The following SRRM3 variants were observed in gnomAD, a reference collection of about 807,000 sequenced individuals.
SRRM3 encodes serine/arginine repetitive matrix 3, also known as serine/arginine repetitive matrix protein 3.
SRRM3 carries 27 observed loss-of-function variants against 66.2 expected under a neutral mutation model. The ratio of observed to expected loss-of-function variants is 0.41; its 90% CI spans 0.30 to 0.56. The LOEUF (loss-of-function observed/expected upper bound fraction) is 0.56. SRRM3 is among the 20% of genes least tolerant of loss of function. The pLI is 0.32. For synonymous variants in SRRM3, 391 were observed against 414.9 expected (o/e 0.94, Z 0.70); for missense variants, 918 against 991.9 (o/e 0.93, Z 1.00).
At position 76,235,021 on chromosome 7, in the gene SRRM3, C is replaced by T; in HGVS notation, c.-39-7C>T. On this transcript the variant is annotated splice_polypyrimidine_tract_variant and splice_region_variant and intron_variant, in intron 1 of 14. Transcript: ENST00000611745. ...CATCCCGCCTCGTGTCTGTGTCTGT[C>T]CCTCAGGGCCAGCGGCCCAGGCCAG... The T allele has an allele frequency of 6.8e-7, 1 of 1,479,706 alleles. No homozygotes were observed. The highest frequency in any genetic ancestry group is 9.0e-7 in the Non-Finnish European group (1 of 1,108,934). The allele number at this position is 1,479,706 out of a possible 1,614,324, so 91.7% of individuals were successfully genotyped here.
At position 76,285,888 on chromosome 7, in the gene SRRM3, C is replaced by G; in HGVS notation, c.*45C>G. 1.3e-6 allele frequency: 2 copies of G among 1,513,162 alleles called. No individual in the cohort carries two copies. The highest frequency in any genetic ancestry group is 2.6e-5 in the South Asian group (2 of 78,134). The allele number at this position is 1,513,162 out of a possible 1,614,324, so 93.7% of individuals were successfully genotyped here. ...GGTGCCCCCCTGGCACTGGGAGAGG[C>G]GAGGGGCGGGCCCCAGGACCCCAGT... On this transcript the variant is annotated 3_prime_UTR_variant, in exon 15 of 15. Transcript: ENST00000611745. This position sits in a 1 kb window ranked among gnomAD's most constrained non-coding sequence, Gnocchi z 4.1.
At chr7:76,277,996 A>T (rs1302601918) in intron 11 of SRRM3, among the ~76,000 whole-genome samples, 2 of 152,194 alleles carry the variant, frequency 1.3e-5, no homozygotes, top group Non-Finnish European at 2.9e-5. Flanking sequence ...TTGACGACCC[A>T]GGGTATAGGA....
chr7:76,282,741 G>C lies in SRRM3; in HGVS notation c.1464G>C (p.Ser488=), dbSNP rs1390216941. 2 of 1,459,272 alleles carry C rather than the reference G, an allele frequency of 1.4e-6. No homozygotes were observed. The highest frequency in any genetic ancestry group is 2.9e-5 in the African/African-American group (2 of 67,926). The allele number at this position is 1,459,272 out of a possible 1,614,324, so 90.4% of individuals were successfully genotyped here. The change falls in exon 13 of 15, where the codon TCG becomes TCC. Residue 488 remains serine, a synonymous_variant. Coordinates refer to ENST00000611745, the MANE Select transcript of SRRM3 (RefSeq NM_001110199.3). ...GRRGGPEGKS[S]SRSPGPHPRS... ...GCGGCGGCCCAGAAGGGAAGAGCTC[G>C]TCGCGCAGCCCCGGCCCGCACCCCC...
chr7:76,202,279 C>CA (rs1800165911), intron 1 of SRRM3, among the ~76,000 whole-genome samples: 2 of 62 alleles, frequency 0.032, no homozygotes, highest in East Asian at 0.5. Flanking sequence ...ACAGTGGAGA[C>CA]CTTTGGGGTC....
At chr7:76,283,153 G>A (rs1322554184) in intron 14 of SRRM3, 52 bp downstream of exon 14, 76 of 1,355,894 alleles carry the variant, frequency 5.6e-5, no homozygotes, top group Middle Eastern at 2.3e-4. Context: ...CCGCTGACCC[G>A]GATCAGGGAC....
At chr7:76,216,171 C>G (rs555353518) in intron 1 of SRRM3, among the ~76,000 whole-genome samples, 2 of 151,546 alleles carry the variant, frequency 1.3e-5, no homozygotes, top group Non-Finnish European at 2.9e-5. Flanking sequence ...CCAGGCTGGT[C>G]GTGAACTTCT....
Position 76,283,092 on chromosome 7 carries a change from G to A in SRRM3, c.1724G>A (p.Arg575His). ...RDSPSFMEPR[R>H]ITSARKRPIP... Reference sequence around the variant, plus strand: ...TCGCCAAGCTTCATGGAGCCGCGGCGCATCACCAGGTATGGAGGGTCTTGG... The same window carrying A: ...TCGCCAAGCTTCATGGAGCCGCGGCACATCACCAGGTATGGAGGGTCTTGG... Residue 575 changes from arginine to histidine, a missense_variant, in exon 14 of 15, where the codon CGC becomes CAC. Arg to His is a conservative substitution (Grantham distance 29). Transcript: ENST00000611745. 6.9e-7 allele frequency: 1 copy of A among 1,451,040 alleles called. No individual in the cohort carries two copies. The highest frequency in any genetic ancestry group is 9.0e-7 in the Non-Finnish European group (1 of 1,109,232). 89.9% of individuals were successfully genotyped at this position (1,451,040 alleles called of 1,614,324 possible). A position where few individuals can be genotyped will look rare whatever the true frequency, so the allele number is the denominator to read the frequency against.
intron 14 of SRRM3, 66 bp downstream of exon 14, chr7:76,283,167 G>C (rs1378413988): frequency 8.2e-6 from 11 of 1,336,918 alleles, no homozygotes; most frequent in Middle Eastern, 2.4e-4. Context: ...CAGGGACAGA[G>C]ACCTCGGCCC....
intron 2 of SRRM3, 89 bp downstream of exon 2, chr7:76,235,388 A>C: frequency 5.6e-5 from 60 of 1,071,012 alleles, no homozygotes; most frequent in Non-Finnish European, 6.9e-5. Flanking sequence ...GGCGTGGCGA[A>C]CGTCGTGGGC....
chr7:76,202,310 C>T (rs528351912), intron 1 of SRRM3, among the ~76,000 whole-genome samples: 9 of 152,264 alleles, frequency 5.9e-5, no homozygotes, highest in Admixed American at 3.3e-4. Flanking sequence ...CTCCCCTGGG[C>T]ATAAATGACC....
At chr7:76,205,987 G>C (rs189467945) in intron 1 of SRRM3, among the ~76,000 whole-genome samples, 17 of 152,232 alleles carry the variant, frequency 1.1e-4, no homozygotes, top group African/African-American at 3.9e-4. Flanking sequence ...TTCGTGGGTG[G>C]GGGGTCATCT....
Position 76,260,907 on chromosome 7 carries a change from A to G in SRRM3, c.575+4A>G. 1 of 1,560,268 alleles carries G rather than the reference A, an allele frequency of 6.4e-7. No individual in the cohort carries two copies. The highest frequency in any genetic ancestry group is 1.2e-5 in the South Asian group (1 of 84,588). On this transcript the variant is annotated splice_donor_region_variant and intron_variant, in intron 6 of 14. Coordinates refer to ENST00000611745, the MANE Select transcript of SRRM3 (RefSeq NM_001110199.3). ...GGAGACTGGAGTCCGAATGCAGGTC[A>G]GTGGGGACAGAGCTGGCTGGGGCCA...
At chr7:76,267,150 G>GGCT in intron 10 of SRRM3, 108 bp from the exon 11 acceptor site, 1 of 1,064,468 alleles carries the variant, frequency 9.4e-7, no homozygotes, top group Non-Finnish European at 1.3e-6. Flanking sequence ...GCAGGTGGAG[G>GGCT]GCTGCTCTCT....
intron 3 of SRRM3, among the ~76,000 whole-genome samples, 155 bp from the exon 4 acceptor site, chr7:76,259,751 C>A (rs1801805462): frequency 6.6e-6 from 1 of 152,196 alleles, no homozygotes; most frequent in Non-Finnish European, 1.5e-5. Context: ...CTCTGCCTAG[C>A]CCTGTAAGGC....
chr7:76,206,078 G>A (rs1290137115), intron 1 of SRRM3, among the ~76,000 whole-genome samples: 1 of 152,136 alleles, frequency 6.6e-6, no homozygotes, highest in South Asian at 2.1e-4. Context: ...CACAATCACG[G>A]CTCACTGCAG....
intron 3 of SRRM3, among the ~76,000 whole-genome samples, chr7:76,253,485 G>T (rs997866693): frequency 1.1e-4 from 16 of 151,938 alleles, no homozygotes; most frequent in African/African-American, 3.6e-4. Context: ...GCTGGGCGTG[G>T]TGGTGGGCAC....
At chr7:76,226,579 T>C (rs576482611) in intron 1 of SRRM3, among the ~76,000 whole-genome samples, 1 of 150,958 alleles carries the variant, frequency 6.6e-6, no homozygotes, top group South Asian at 2.1e-4. Context: ...TTTATTTATT[T>C]ATTTATTTAT....
At chr7:76,238,421 AAC>A (rs1331425167) in intron 2 of SRRM3, among the ~76,000 whole-genome samples, 4 of 152,144 alleles carry the variant, frequency 2.6e-5, no homozygotes, top group African/African-American at 9.7e-5. Flanking sequence ...CAGTCACAGG[AAC>A]ACACACTCTT....
chr7:76,260,648 G>C (rs1279297499), intron 5 of SRRM3, among the ~76,000 whole-genome samples: 2 of 150,780 alleles, frequency 1.3e-5, no homozygotes, highest in East Asian at 2.0e-4. Flanking sequence ...CTCACTGACC[G>C]GGCCCGTGTG....
Sources: allele counts gnomAD v4.1 joint callset (sites outside exome capture counted in the v4.1 genomes callset), GRCh38; gene constraint gnomAD v4.1.1; non-coding constraint Gnocchi (gnomAD v3.1); transcripts MANE v1.5; gene names NCBI Gene and HGNC (gene_info 2026-07-23, HGNC 2026-07-21).